PRKCQ: variants seen among roughly 807,000 people sequenced by gnomAD.
The protein encoded by PRKCQ is protein kinase C theta type.
PRKCQ carries 41 observed loss-of-function variants against 91.2 expected under a neutral mutation model. The observed-to-expected ratio is 0.45, with a 90% CI of 0.35 to 0.58. The LOEUF (loss-of-function observed/expected upper bound fraction) is 0.58, where lower values mean the gene tolerates loss of function less well. Ranked by LOEUF, PRKCQ falls within the 20% of genes least tolerant of loss-of-function variation. The pLI is 0.00. For synonymous variants in PRKCQ, 307 were observed against 316.9 expected (o/e 0.97, Z 0.33); for missense variants, 673 against 896.5 (o/e 0.75, Z 3.18).
intron 1 of PRKCQ, among the ~76,000 whole-genome samples, chr10:6,537,320 T>C (rs181130883): frequency 3.5e-4 from 54 of 152,348 alleles, no homozygotes; most frequent in Admixed American, 1.6e-3. Flanking sequence ...CAAAATCCGA[T>C]GTTTTTTCAA....
At chr10:6,539,341 G>A (rs753787095) in intron 1 of PRKCQ, among the ~76,000 whole-genome samples, 1 of 152,096 alleles carries the variant, frequency 6.6e-6, no homozygotes, top group African/African-American at 2.4e-5. Context: ...AGGAACTGGG[G>A]TGCACAGCAG....
At chr10:6,473,832 T>C (rs1473583688) in intron 12 of PRKCQ, among the ~76,000 whole-genome samples, 1 of 152,218 alleles carries the variant, frequency 6.6e-6, no homozygotes, top group Non-Finnish European at 1.5e-5. Flanking sequence ...GATGACATAC[T>C]TTTTAAAAAG....
At chr10:6,505,054 C>T (rs979542130) in intron 4 of PRKCQ, among the ~76,000 whole-genome samples, 1 of 151,956 alleles carries the variant, frequency 6.6e-6, no homozygotes, top group African/African-American at 2.4e-5. Context: ...CTGCCATACC[C>T]GGCTAATTTT....
chr10:6,563,703 A>G (rs1336315618), intron 1 of PRKCQ, among the ~76,000 whole-genome samples: 1 of 151,258 alleles, frequency 6.6e-6, no homozygotes, highest in Non-Finnish European at 1.5e-5. Context: ...ACACTCCTCC[A>G]CTCTGTCATT....
chr10:6,436,964 G>A (rs1007243430), intron 16 of PRKCQ, among the ~76,000 whole-genome samples: 7 of 152,174 alleles, frequency 4.6e-5, no homozygotes, highest in African/African-American at 1.7e-4. Context: ...TGAAGCACAG[G>A]GGGAAGCTGG....
intron 1 of PRKCQ, among the ~76,000 whole-genome samples, chr10:6,569,488 T>G (rs1840954841): frequency 6.6e-6 from 1 of 152,060 alleles, no homozygotes; most frequent in South Asian, 2.1e-4. Flanking sequence ...CTGGGCTTTA[T>G]CCCGGGGGCA....
rs77895947 is a variant in PRKCQ at position 6,530,897 on chromosome 10, G to C, written c.-9-15753C>G. Reference sequence around the variant, plus strand: ...ACCCATTGGCATTGTTCTAGCTTACGGGACTCTCTATTTTTCCTCCTCACT... The same window carrying C: ...ACCCATTGGCATTGTTCTAGCTTACCGGACTCTCTATTTTTCCTCCTCACT... On this transcript the variant is annotated intron_variant, in intron 1 of 17. Coordinates refer to ENST00000263125, the MANE Select transcript of PRKCQ (RefSeq NM_006257.5). Among the ~76,000 whole-genome samples, 1,200 of 152,238 alleles carry C rather than the reference G, an allele frequency of 7.9e-3. 15 individuals are homozygous for C. The highest frequency in any genetic ancestry group is 0.03 in the East Asian group (156 of 5,174).
intron 1 of PRKCQ, among the ~76,000 whole-genome samples, chr10:6,558,909 T>C (rs534686858): frequency 6.6e-6 from 1 of 152,222 alleles, no homozygotes; most frequent in East Asian, 1.9e-4. Flanking sequence ...CGGTGAGACA[T>C]TTAGAGAGTC....
At chr10:6,484,220 C>T (rs1335185003) in intron 10 of PRKCQ, among the ~76,000 whole-genome samples, 1 of 152,160 alleles carries the variant, frequency 6.6e-6, no homozygotes, top group African/African-American at 2.4e-5. Context: ...TTGAGGCCAG[C>T]CTGGGCGACA....
intron 1 of PRKCQ, among the ~76,000 whole-genome samples, chr10:6,579,527 T>C (rs1000847225): frequency 1.3e-5 from 2 of 152,116 alleles, no homozygotes; most frequent in Non-Finnish European, 2.9e-5. Flanking sequence ...TTGATAACGG[T>C]GGCTCTCGAA....
At chr10:6,489,606 G>A (rs1342345598) in intron 8 of PRKCQ, 3 of 403,926 alleles carry the variant, frequency 7.4e-6, no homozygotes, top group Non-Finnish European at 1.5e-5. Flanking sequence ...CGAGAAAGGA[G>A]GACGCGGGGG....
chr10:6,543,916 C>G (rs111276997), intron 1 of PRKCQ, among the ~76,000 whole-genome samples: 1 of 152,288 alleles, frequency 6.6e-6, no homozygotes, highest in South Asian at 2.1e-4. Context: ...CAGAAGGTGC[C>G]AGCCCTTCCT....
At chr10:6,487,019 G>A (rs1013562088) in intron 8 of PRKCQ, among the ~76,000 whole-genome samples, 1 of 152,302 alleles carries the variant, frequency 6.6e-6, no homozygotes, top group Non-Finnish European at 1.5e-5. Flanking sequence ...TCTACACACG[G>A]TGTGGAAACA....
chr10:6,463,638 A>G (rs1240458977), intron 13 of PRKCQ, among the ~76,000 whole-genome samples: 1 of 152,192 alleles, frequency 6.6e-6, no homozygotes, highest in Non-Finnish European at 1.5e-5. Flanking sequence ...GTTCATGCAG[A>G]TGGGAGGGAG....
At chr10:6,514,555 G>A (rs75770257) in intron 2 of PRKCQ, among the ~76,000 whole-genome samples, 2,278 of 152,292 alleles carry the variant, frequency 0.015, 52 homozygotes, top group African/African-American at 0.052. Flanking sequence ...GATTCTAATG[G>A]CTAATTATAG....
chr10:6,458,428 C>T (rs1328366967), intron 14 of PRKCQ, among the ~76,000 whole-genome samples: 1 of 152,108 alleles, frequency 6.6e-6, no homozygotes, highest in African/African-American at 2.4e-5. Context: ...GGCATCAGGA[C>T]CCAGGGGAGA....
chr10:6,456,545 A>G, intron 15 of PRKCQ, 129 bp downstream of exon 15: 1 of 1,243,850 alleles, frequency 8.0e-7, no homozygotes, highest in South Asian at 1.6e-5. Flanking sequence ...CGTTTATGAG[A>G]TACTTAAGAA....
chr10:6,500,402 C>T (rs1055723458), intron 4 of PRKCQ, among the ~76,000 whole-genome samples: 2 of 151,124 alleles, frequency 1.3e-5, no homozygotes, highest in African/African-American at 4.9e-5. Flanking sequence ...ATATTTTATA[C>T]ATATATCTAT....
At chr10:6,468,538 A>T (rs2130729513) in intron 12 of PRKCQ, among the ~76,000 whole-genome samples, 1 of 152,348 alleles carries the variant, frequency 6.6e-6, no homozygotes, top group Middle Eastern at 3.4e-3. Context: ...TGCACTGAGA[A>T]CTTGGCAAAT....
Sources: allele counts gnomAD v4.1 joint callset (sites outside exome capture counted in the v4.1 genomes callset), GRCh38; gene constraint gnomAD v4.1.1; transcripts MANE v1.5; gene names NCBI Gene and HGNC (gene_info 2026-07-23, HGNC 2026-07-21).